Variants in AGTPBP1 observed in about 807,000 individuals in gnomAD.
The protein encoded by AGTPBP1 is ATP/GTP binding carboxypeptidase 1.
Under a neutral mutation model 143.9 loss-of-function variants are expected in AGTPBP1, and 70 were observed. The observed-to-expected ratio is 0.49, with a 90% confidence interval of 0.40 to 0.59. The LOEUF (loss-of-function observed/expected upper bound fraction) is 0.59, where lower values mean the gene tolerates loss of function less well. Ranked by LOEUF, AGTPBP1 falls within the 20% of genes least tolerant of loss-of-function variation. The pLI is 0.00. For missense variants in AGTPBP1, 1,229 were observed against 1,464.5 expected, an observed-to-expected ratio of 0.84 and a Z score of 2.62; for synonymous variants, 463 against 500.2, an observed-to-expected ratio of 0.93 and a Z score of 0.99.
the AGTPBP1 span, among the ~76,000 whole-genome samples, chr9:85,787,653 C>CCATATTT: frequency 6.6e-6 from 1 of 152,012 alleles, no homozygotes; most frequent in Non-Finnish European, 1.5e-5. Context: ...TACTTTTTAA[C>CCATATTT]CATATTTTTC....
chr9:85,645,943 A>C (rs1027185457), intron 12 of AGTPBP1, among the ~76,000 whole-genome samples: 3 of 152,196 alleles, frequency 2.0e-5, no homozygotes, highest in African/African-American at 7.2e-5. Context: ...AAACAAATCC[A>C]TTATAGAATA....
chr9:85,616,749 C>A (rs970385259), intron 17 of AGTPBP1, among the ~76,000 whole-genome samples: 1 of 151,752 alleles, frequency 6.6e-6, no homozygotes, highest in South Asian at 2.1e-4. Context: ...GAATGAGTTT[C>A]AATTAAGGTA....
At chr9:85,660,666 TTA>T (rs1479183096) in intron 9 of AGTPBP1, among the ~76,000 whole-genome samples, 4 of 152,136 alleles carry the variant, frequency 2.6e-5, no homozygotes, top group African/African-American at 7.2e-5. Flanking sequence ...TAATGGATTT[TTA>T]TGTTATCTAA....
In AGTPBP1 at chr9:85,679,468, C is replaced by T. The variant is rs200178852; in HGVS notation, c.226-1070G>A. Reference sequence around the variant, plus strand: ...TGTCACCCAGGATGGAGTGCAGTGGCGCAATCTCGGCTCACTGCAAGCTCC... The same window carrying T: ...TGTCACCCAGGATGGAGTGCAGTGGTGCAATCTCGGCTCACTGCAAGCTCC... On this transcript the variant is annotated intron_variant, in intron 4 of 25. Coordinates refer to ENST00000357081, the MANE Select transcript of AGTPBP1 (RefSeq NM_001330701.2). Among the ~76,000 whole-genome samples the T allele has an allele frequency of 5.5e-4, 84 of 151,918 alleles. 1 individual carries two copies. In the East Asian group the frequency reaches 0.012, roughly 21 times the overall value.
rs554712370 is a variant in AGTPBP1, at chr9:85,698,537, T to C, written c.33-5724A>G. Reference sequence around the variant, plus strand: ...GCAGCTCTACCATTTGACTACATTTTGGCTTTGGAAAATCTGAGGGCGGTG... The same window carrying C: ...GCAGCTCTACCATTTGACTACATTTCGGCTTTGGAAAATCTGAGGGCGGTG... On this transcript the variant is annotated intron_variant, in intron 2 of 25. Transcript: ENST00000357081. 3.9e-5 allele frequency among the ~76,000 whole-genome samples: 6 copies of C among 152,242 alleles called. No individual in the cohort carries two copies. In the South Asian group the frequency reaches 1.0e-3, roughly 26 times the overall value.
At chr9:85,657,199 A>G (rs1181450679) in intron 10 of AGTPBP1, among the ~76,000 whole-genome samples, 17 of 136,762 alleles carry the variant, frequency 1.2e-4, no homozygotes, top group African/African-American at 4.7e-4. Context: ...AAAAAATAAT[A>G]CAAAAAAAAA....
At chr9:85,589,401 A>G in intron 20 of AGTPBP1, 127 bp downstream of exon 20, 1 of 1,221,164 alleles carries the variant, frequency 8.2e-7, no homozygotes, top group Non-Finnish European at 1.1e-6. Context: ...AGATAATAGC[A>G]GGGCCAAGAC....
chr9:85,560,742 G>C (rs1457045349), intron 25 of AGTPBP1, among the ~76,000 whole-genome samples: 1 of 152,098 alleles, frequency 6.6e-6, no homozygotes, highest in Non-Finnish European at 1.5e-5. Flanking sequence ...AGAAAGAATA[G>C]GTGAATTAGA....
At position 85,741,949 on chromosome 9, in the gene AGTPBP1, G is replaced by A. The variant is rs527273052; in HGVS notation, c.-208C>T. 2 of 1,280,030 alleles carry A rather than the reference G, an allele frequency of 1.6e-6. No homozygotes were observed. Among genetic ancestry groups the A allele is most frequent in the Non-Finnish European group, 9.8e-7 (1 of 1,017,196 alleles). The allele number at this position is 1,280,030 out of a possible 1,614,324, so 79.3% of individuals were successfully genotyped here. ...TGCGGCGGCGGCGCTGGAGGCGGCG[G>A]AACCTGTCCGCATCCCGGGCAACGT... On this transcript the variant is annotated 5_prime_UTR_variant, in exon 1 of 26. Transcript: ENST00000357081.
the AGTPBP1 span, among the ~76,000 whole-genome samples, chr9:85,798,746 A>C: frequency 6.6e-6 from 1 of 152,186 alleles, no homozygotes; most frequent in African/African-American, 2.4e-5. Context: ...GGAGATCATC[A>C]ACTGTTCACC....
chr9:85,588,621 C>G (rs1828762014), intron 20 of AGTPBP1, 143 bp from the exon 21 acceptor site: 5 of 731,408 alleles, frequency 6.8e-6, no homozygotes, highest in Non-Finnish European at 1.1e-5. Context: ...CCTACAAGCA[C>G]TGCACTAGGC....
At chr9:85,710,696 C>CA (rs1259025796) in intron 2 of AGTPBP1, among the ~76,000 whole-genome samples, 18 of 146,920 alleles carry the variant, frequency 1.2e-4, no homozygotes, top group African/African-American at 4.2e-4. Context: ...ACAACAACAA[C>CA]AACAAAAAAA....
chr9:85,733,447 C>G (rs1839020607), intron 1 of AGTPBP1, among the ~76,000 whole-genome samples: 1 of 151,980 alleles, frequency 6.6e-6, no homozygotes, highest in African/African-American at 2.4e-5. Context: ...ACATGACATA[C>G]CAAAACTTAC....
At chr9:85,770,238 A>G in the AGTPBP1 span, 7 of 1,249,348 alleles carry the variant, frequency 5.6e-6, no homozygotes, top group Non-Finnish European at 8.1e-6. Context: ...GACAAAGTCA[A>G]AGTTATACTA....
chr9:85,767,595 C>A, the AGTPBP1 span, among the ~76,000 whole-genome samples: 22 of 152,220 alleles, frequency 1.4e-4, no homozygotes, highest in African/African-American at 4.8e-4. Context: ...ATCCACCCAC[C>A]TCGGCCTCCC....
At chr9:85,690,353 C>T (rs62569238) in intron 3 of AGTPBP1, among the ~76,000 whole-genome samples, 2,549 of 152,296 alleles carry the variant, frequency 0.017, 26 homozygotes, top group Middle Eastern at 0.054. Context: ...ATCCTAGGCA[C>T]TATAAACAGA....
chr9:85,692,656 C>T, intron 3 of AGTPBP1, 33 bp downstream of exon 3: 1 of 1,593,708 alleles, frequency 6.3e-7, no homozygotes, highest in East Asian at 2.2e-5. Flanking sequence ...ATTAAAAAAG[C>T]ATTTCAAAAA....
intron 25 of AGTPBP1, among the ~76,000 whole-genome samples, chr9:85,560,388 A>G (rs991623847): frequency 6.6e-6 from 1 of 152,210 alleles, no homozygotes; most frequent in African/African-American, 2.4e-5. Flanking sequence ...CCCATCTCCT[A>G]TTTCACAAAG....
At chr9:85,699,861 T>A (rs1836531420) in intron 2 of AGTPBP1, among the ~76,000 whole-genome samples, 1 of 152,228 alleles carries the variant, frequency 6.6e-6, no homozygotes, top group Non-Finnish European at 1.5e-5. Context: ...TGAACAAATT[T>A]TAAAGTACTC....
Sources: allele counts gnomAD v4.1 joint callset (sites outside exome capture counted in the v4.1 genomes callset), GRCh38; gene constraint gnomAD v4.1.1; transcripts MANE v1.5; gene names NCBI Gene and HGNC (gene_info 2026-07-23, HGNC 2026-07-21).